The following PKD1L1 variants were observed in gnomAD, a reference collection of about 807,000 sequenced individuals.
PKD1L1 encodes polycystin-1-like protein 1.
Under a neutral mutation model 323.4 loss-of-function variants are expected in PKD1L1, and 236 were observed. The observed-to-expected ratio is 0.73, with a 90% CI of 0.66 to 0.81. The LOEUF (loss-of-function observed/expected upper bound fraction) is 0.81. Ranked by LOEUF, PKD1L1 falls within the 40% of genes least tolerant of loss-of-function variation. The probability of loss-of-function intolerance (pLI) is 0.00; values close to 1 mark genes in which losing one functional copy is unlikely to be tolerated. For missense variants in PKD1L1, 3,320 were observed against 3,508.0 expected, an observed-to-expected ratio of 0.95 and a Z score of 1.35; for synonymous variants, 1,344 against 1,335.0, an observed-to-expected ratio of 1.01 and a Z score of -0.15.
Position 47,866,551 on chromosome 7 carries a change from C to G in PKD1L1, c.3960G>C (p.Arg1320Ser). ...LQLMGSYTEIRNYITVITRIL... is the reference protein window; with the variant it reads ...LQLMGSYTEISNYITVITRIL... ...TTCTGGTGATCACAGTGATGTAGTT[C>G]CTGATTTCTGTGTAACTCCCCATCA... is the stretch of plus-strand genomic sequence containing the variant. Residue 1320 changes from arginine (R) to serine (S), a missense_variant, in exon 25 of 57, where the codon AGG becomes AGC. Coordinates refer to ENST00000289672, the MANE Select transcript of PKD1L1 (RefSeq NM_138295.5). 2 of 1,613,110 alleles carry G rather than the reference C, an allele frequency of 1.2e-6. No individual in the cohort carries two copies. The highest frequency in any genetic ancestry group is 2.2e-5 in the South Asian group (2 of 90,788).
At chr7:47,956,482 A>G in the PKD1L1 span, among the ~76,000 whole-genome samples, 1 of 152,208 alleles carries the variant, frequency 6.6e-6, no homozygotes, top group African/African-American at 2.4e-5. Context: ...TTAGGGCACC[A>G]TTTGGCACTA....
chr7:47,848,003 T>C (rs1322275257), intron 31 of PKD1L1, among the ~76,000 whole-genome samples: 1 of 152,098 alleles, frequency 6.6e-6, no homozygotes, highest in Non-Finnish European at 1.5e-5. Flanking sequence ...TTTAAATATA[T>C]GAAAAAATAC....
At position 47,781,413 on chromosome 7, in the gene PKD1L1, T is replaced by G. The variant is rs1397692659; in HGVS notation, c.8527-6247A>C. Among the ~76,000 whole-genome samples the G allele has an allele frequency of 1.6e-5, 2 of 122,678 alleles. 1 individual carries two copies. Among genetic ancestry groups the G allele is most frequent in the Admixed American group, 1.9e-4 (2 of 10,678 alleles). 80.5% of individuals were successfully genotyped at this position (122,678 alleles called of 152,430 possible). A position where few individuals can be genotyped will look rare whatever the true frequency, so the allele number is the denominator to read the frequency against. ...TTTTTTTTTTTGTTTTGTTTTGTTT[T>G]TTTTTTTTTTTTTGAGACAGAGTCT... On this transcript the variant is annotated intron_variant, in intron 56 of 56. Coordinates refer to ENST00000289672, the MANE Select transcript of PKD1L1 (RefSeq NM_138295.5).
chr7:47,948,494 C>A, upstream of PKD1L1: 1 of 1,564,890 alleles, frequency 6.4e-7, no homozygotes, highest in Admixed American at 1.7e-5. Flanking sequence ...CTTCTTCCTA[C>A]ATCCTCTGGA....
chr7:47,893,570 C>T (rs1032661553), intron 15 of PKD1L1, among the ~76,000 whole-genome samples: 11 of 152,134 alleles, frequency 7.2e-5, no homozygotes, highest in Admixed American at 2.0e-4. Flanking sequence ...GATGAGCAAC[C>T]CGTGGAAACC....
At chr7:47,864,638 TTCC>T in intron 26 of PKD1L1, among the ~76,000 whole-genome samples, 1 of 140,646 alleles carries the variant, frequency 7.1e-6, no homozygotes, top group Admixed American at 7.0e-5. Flanking sequence ...CTTTCTTTCC[TTCC>T]TTCCTTCCTT....
intron 17 of PKD1L1, among the ~76,000 whole-genome samples, chr7:47,887,566 G>T (rs1282300110): frequency 2.6e-5 from 4 of 152,258 alleles, no homozygotes; most frequent in Non-Finnish European, 5.9e-5. Context: ...CCAGCTGGTA[G>T]TGTGGGAGCA....
At chr7:47,952,615 G>A (rs1162570505), upstream of PKD1L1, among the ~76,000 whole-genome samples, 28 of 152,164 alleles carry the variant, frequency 1.8e-4, no homozygotes, top group Non-Finnish European at 1.6e-4. Flanking sequence ...AGATAAGTAT[G>A]TCCTAAGTGA....
rs755846293 is a variant in PKD1L1, at chr7:47,792,761, C to T, written c.8392G>A (p.Glu2798Lys). Residue 2798 changes from glutamate to lysine, a missense_variant, in exon 56 of 57, where the codon GAA (glutamate) becomes AAA (lysine). Transcript: ENST00000289672. ...YLDEFANLLD[E>K]LLMKINGLSD... Reference sequence around the variant, plus strand: ...AAACCATTAATCTTCATCAGAAGTTCGTCTAACAGATTTGCAAATTCATCC... The same window carrying T: ...AAACCATTAATCTTCATCAGAAGTTTGTCTAACAGATTTGCAAATTCATCC... The T allele has an allele frequency of 1.2e-5, 20 of 1,613,656 alleles. No individual in the cohort carries two copies. Among genetic ancestry groups the T allele is most frequent in the Middle Eastern group, 1.6e-4 (1 of 6,084 alleles).
rs144832432 is a variant in PKD1L1 at position 47,904,752 on chromosome 7, A to G, written c.1692-135T>C. The G allele has an allele frequency of 1.9e-3, 2,049 of 1,105,250 alleles. 22 individuals are homozygous for G. In the African/African-American group the frequency reaches 0.029, roughly 15 times the overall value. 68.5% of individuals were successfully genotyped at this position (1,105,250 alleles called of 1,614,324 possible). ...GCAGCATTTAATTTGTAAGAACTAC[A>G]AAAGTATCTAGTGATTTTCATCTTA... is the stretch of plus-strand genomic sequence containing the variant. On this transcript the variant is annotated intron_variant, in intron 11 of 56. Coordinates refer to ENST00000289672, the MANE Select transcript of PKD1L1 (RefSeq NM_138295.5).
intron 7 of PKD1L1, among the ~76,000 whole-genome samples, chr7:47,923,296 C>CCCGTCT (rs1787592503): frequency 6.6e-6 from 1 of 150,660 alleles, no homozygotes; most frequent in Non-Finnish European, 1.5e-5. Context: ...CTGCCAAATC[C>CCCGTCT]CCGTCTCCGA....
chr7:47,775,903 T>A (rs1229422161), intron 56 of PKD1L1, among the ~76,000 whole-genome samples: 4 of 150,054 alleles, frequency 2.7e-5, no homozygotes, highest in African/African-American at 9.8e-5. Context: ...CTAGCCAGGA[T>A]GATAACAACA....
Position 47,815,385 on chromosome 7 carries a change from C to G in PKD1L1, c.7038G>C (p.Leu2346=), listed in dbSNP as rs1784994503. 1 of 1,614,058 alleles carries G rather than the reference C, an allele frequency of 6.2e-7. No homozygotes were observed. Among genetic ancestry groups the G allele is most frequent in the African/African-American group, 1.3e-5 (1 of 74,942 alleles). The change falls in exon 47 of 57, where the codon CTG becomes CTC. Residue 2346 remains leucine (L), a synonymous_variant. Transcript: ENST00000289672. ...GGGTGCCTCCCGGGTACAGGCCATC[C>G]AGAAGTGTGGTCAGACTCCAGTCCC... ...DWWDWSLTTL[L]DGLYPGGTPS... is the part of the protein sequence containing the mutation.
At position 47,829,508 on chromosome 7, in the gene PKD1L1, A is replaced by G; in HGVS notation, c.6652T>C (p.Ser2218Pro). The change falls in exon 44 of 57, where the codon TCT (serine) becomes CCT (proline). Residue 2218 changes from serine to proline, a missense_variant. Ser to Pro is a moderately conservative substitution (Grantham distance 74, BLOSUM62 -1). Coordinates refer to ENST00000289672, the MANE Select transcript of PKD1L1 (RefSeq NM_138295.5). Reference protein sequence around the residue: ...SLCEATRDLDSELAERSWTRL... With the variant: ...SLCEATRDLDPELAERSWTRL... The stretch of plus-strand genomic sequence containing the variant: ...GTCCAGGAACGTTCTGCCAATTCAG[A>G]GTCCAGATCCCTGGTAGCCTCACAT... 1 of 1,614,194 alleles carries G rather than the reference A, an allele frequency of 6.2e-7. No individual in the cohort carries two copies. The highest frequency in any genetic ancestry group is 8.5e-7 in the Non-Finnish European group (1 of 1,180,026).
intron 21 of PKD1L1, 45 bp from the exon 22 acceptor site, chr7:47,877,676 T>A: frequency 1.3e-6 from 2 of 1,599,900 alleles, no homozygotes; most frequent in Non-Finnish European, 1.7e-6. Flanking sequence ...GATGGAGAAT[T>A]ACAGCAGCAT....
chr7:47,886,766 A>G (rs1248031677), intron 17 of PKD1L1, among the ~76,000 whole-genome samples: 1 of 152,200 alleles, frequency 6.6e-6, no homozygotes, highest in African/African-American at 2.4e-5. Context: ...AGTCTGCAGA[A>G]CCATAAGCCA....
At chr7:47,795,205 G>C (rs1225276958) in intron 55 of PKD1L1, 2 of 350,232 alleles carry the variant, frequency 5.7e-6, no homozygotes, top group Non-Finnish European at 1.1e-5. Flanking sequence ...ATCTCAACTA[G>C]AATTATATCT....
At chr7:47,933,835 T>C (rs1381885864) in intron 4 of PKD1L1, among the ~76,000 whole-genome samples, 1 of 152,176 alleles carries the variant, frequency 6.6e-6, no homozygotes, top group African/African-American at 2.4e-5. Context: ...CCATACAAGA[T>C]TAGGCCTGAA....
upstream of PKD1L1, among the ~76,000 whole-genome samples, chr7:47,949,978 C>T (rs1788179961): frequency 6.6e-6 from 1 of 152,178 alleles, no homozygotes; most frequent in Admixed American, 6.5e-5. Flanking sequence ...GTCAGTGCCT[C>T]TGGCTTTGTC....
Sources: gnomAD v4.1 joint callset for allele counts (sites outside exome capture counted in the v4.1 genomes callset) on GRCh38, gnomAD v4.1.1 for gene constraint, MANE v1.5 for transcripts, NCBI Gene and HGNC (gene_info 2026-07-23, HGNC 2026-07-21) for gene names.